XRCC4: variants seen among roughly 807,000 people sequenced by gnomAD.
The protein encoded by XRCC4 is X-ray repair cross complementing 4, also known as DNA repair protein XRCC4.
Under a neutral mutation model 39.1 loss-of-function variants are expected in XRCC4, and 28 were observed. The ratio of observed to expected loss-of-function variants is 0.72; its 90% CI spans 0.53 to 0.98. The LOEUF (loss-of-function observed/expected upper bound fraction) is 0.98. Ranked by LOEUF, XRCC4 falls within the 50% of genes least tolerant of loss-of-function variation. The pLI, the probability that XRCC4 is intolerant of heterozygous loss-of-function variation, is 0.00. For synonymous variants in XRCC4, 123 were observed against 126.4 expected, an observed-to-expected ratio of 0.97 and a Z score of 0.18; for missense variants, 350 against 376.4, an observed-to-expected ratio of 0.93 and a Z score of 0.58.
In XRCC4 at chr5:83,180,392, T is replaced by C. The variant is rs192867852; in HGVS notation, c.316-15378T>C. 5.3e-3 allele frequency among the ~76,000 whole-genome samples: 801 copies of C among 152,242 alleles called. 11 individuals are homozygous for C. Among genetic ancestry groups the C allele is most frequent in the Non-Finnish European group, 5.8e-3 (397 of 68,010 alleles). On this transcript the variant is annotated intron_variant, in intron 3 of 7. Transcript: ENST00000396027. ...TTAAGATTTGGAGGAAATCCAAATA[T>C]ATGAAATGACAAGGCTGAGCTAGGA...
chr5:83,235,704 G>C (rs1443856534), intron 6 of XRCC4, among the ~76,000 whole-genome samples: 1 of 152,056 alleles, frequency 6.6e-6, no homozygotes, highest in Non-Finnish European at 1.5e-5. Flanking sequence ...TTTATTCCTG[G>C]CAAGGGAGTC....
intron 3 of XRCC4, among the ~76,000 whole-genome samples, chr5:83,123,067 GTGT>G (rs1323008422): frequency 7.2e-5 from 11 of 152,054 alleles, no homozygotes; most frequent in African/African-American, 2.4e-4. Flanking sequence ...TTGGTTGGTG[GTGT>G]TAAGTTTTCT....
At chr5:83,089,261 G>A (rs1014498909) in intron 1 of XRCC4, among the ~76,000 whole-genome samples, 1 of 152,220 alleles carries the variant, frequency 6.6e-6, no homozygotes, top group Non-Finnish European at 1.5e-5. Flanking sequence ...AACTATCAAA[G>A]TTCCATTTCT....
At chr5:83,124,023 A>G (rs1404701912) in intron 3 of XRCC4, among the ~76,000 whole-genome samples, 2 of 152,184 alleles carry the variant, frequency 1.3e-5, no homozygotes, top group African/African-American at 4.8e-5. Context: ...ATAACAATAT[A>G]TAACTGTAGT....
intron 3 of XRCC4, among the ~76,000 whole-genome samples, chr5:83,189,923 G>A (rs923857561): frequency 1.3e-5 from 2 of 152,104 alleles, no homozygotes; most frequent in Non-Finnish European, 1.5e-5. Context: ...AATTAGTCAG[G>A]AATGGTGGCA....
At chr5:83,310,309 T>G (rs1165059600) in intron 7 of XRCC4, among the ~76,000 whole-genome samples, 1 of 152,148 alleles carries the variant, frequency 6.6e-6, no homozygotes, top group Non-Finnish European at 1.5e-5. Flanking sequence ...GGAGGCTGGA[T>G]CTACTCCATG....
intron 7 of XRCC4, among the ~76,000 whole-genome samples, chr5:83,301,851 G>GT (rs1446769572): frequency 6.6e-6 from 1 of 152,102 alleles, no homozygotes; most frequent in Non-Finnish European, 1.5e-5. Context: ...CCCATTGCTT[G>GT]TTTTTTCAGG....
chr5:83,238,405 C>T (rs1752778495), intron 6 of XRCC4, among the ~76,000 whole-genome samples: 1 of 152,088 alleles, frequency 6.6e-6, no homozygotes, highest in Non-Finnish European at 1.5e-5. Context: ...TTGGGAGAAA[C>T]AATAAGCCTT....
chr5:83,254,822 C>T (rs138728254), intron 6 of XRCC4, among the ~76,000 whole-genome samples: 240 of 152,204 alleles, frequency 1.6e-3, no homozygotes, highest in African/African-American at 5.3e-3. Context: ...CGCGGTGGCT[C>T]ACGCCTGTAA....
chr5:83,347,824 C>T (rs1280231751), intron 7 of XRCC4, among the ~76,000 whole-genome samples: 3 of 152,124 alleles, frequency 2.0e-5, no homozygotes, highest in East Asian at 1.9e-4. Flanking sequence ...CTTCGACCTA[C>T]GAGCCTATAA....
At chr5:83,228,087 A>C (rs1480051153) in intron 6 of XRCC4, among the ~76,000 whole-genome samples, 2 of 152,086 alleles carry the variant, frequency 1.3e-5, no homozygotes, top group African/African-American at 2.4e-5. Flanking sequence ...TACCAGTGTC[A>C]TGCTTGGAAA....
chr5:83,225,883 TA>T (rs1323085237), intron 6 of XRCC4, among the ~76,000 whole-genome samples: 1 of 151,950 alleles, frequency 6.6e-6, no homozygotes, highest in African/African-American at 2.4e-5. Flanking sequence ...GAATGCCTGT[TA>T]AAAATCACCT....
intron 3 of XRCC4, among the ~76,000 whole-genome samples, chr5:83,178,772 A>G (rs1362608136): frequency 6.6e-6 from 1 of 152,216 alleles, no homozygotes; most frequent in Non-Finnish European, 1.5e-5. Flanking sequence ...GATAATCGAC[A>G]TCAGAGTTTT....
Position 83,353,460 on chromosome 5 carries a change from A to T in XRCC4, c.*218A>T. On this transcript the variant is annotated 3_prime_UTR_variant, in exon 8 of 8. Coordinates refer to ENST00000396027, the MANE Select transcript of XRCC4 (RefSeq NM_003401.5). ...GCACATTATTCTAAACTATTCATTC[A>T]GCATGCCTATAATTACATAAATTGT... 1 of 360,688 alleles carries T rather than the reference A, an allele frequency of 2.8e-6. No homozygotes were observed. The highest frequency in any genetic ancestry group is 5.0e-6 in the Non-Finnish European group (1 of 200,546). The allele number at this position is 360,688 out of a possible 1,614,324, so 22.3% of individuals were successfully genotyped here.
At chr5:83,211,705 C>T (rs1380787322) in intron 6 of XRCC4, among the ~76,000 whole-genome samples, 1 of 152,150 alleles carries the variant, frequency 6.6e-6, no homozygotes, top group East Asian at 1.9e-4. Flanking sequence ...GACGTCAAAA[C>T]TGTCTAGACA....
intron 7 of XRCC4, among the ~76,000 whole-genome samples, chr5:83,292,782 G>T (rs1223576767): frequency 6.6e-6 from 1 of 151,446 alleles, no homozygotes; most frequent in Non-Finnish European, 1.5e-5. Flanking sequence ...TTAACTAAAT[G>T]ATTTTTTATA....
intron 3 of XRCC4, among the ~76,000 whole-genome samples, chr5:83,126,567 C>G (rs1747276178): frequency 6.6e-6 from 1 of 152,124 alleles, no homozygotes; most frequent in African/African-American, 2.4e-5. Context: ...CACAGAGCCC[C>G]CACAAAGTCA....
chr5:83,183,184 C>G (rs959613777), intron 3 of XRCC4, among the ~76,000 whole-genome samples: 6 of 152,068 alleles, frequency 3.9e-5, no homozygotes, highest in African/African-American at 1.2e-4. Context: ...TTTAGAATCT[C>G]CTTTTTTTCC....
chr5:83,266,818 G>A (rs1475866875), intron 7 of XRCC4, among the ~76,000 whole-genome samples: 1 of 151,932 alleles, frequency 6.6e-6, no homozygotes, highest in African/African-American at 2.4e-5. Context: ...TCAGTGTATT[G>A]GATAAAGCAG....
Sources: gnomAD v4.1 joint callset for allele counts (sites outside exome capture counted in the v4.1 genomes callset) on GRCh38, gnomAD v4.1.1 for gene constraint, MANE v1.5 for transcripts, NCBI Gene and HGNC (gene_info 2026-07-23, HGNC 2026-07-21) for gene names.